ACYP2: variants seen among roughly 807,000 people sequenced by gnomAD.
The protein encoded by ACYP2 is acylphosphatase 2, also known as acylphosphatase-2.
In ACYP2, 12 loss-of-function variants were observed where a neutral mutation model predicts 11.2. The observed-to-expected ratio is 1.08, with a 90% confidence interval of 0.69 to 1.74. ACYP2 has a LOEUF of 1.74. Among genes scored for constraint, ACYP2 ranks in the 40% most tolerant of loss-of-function variants. ACYP2 has a pLI of 0.00. For synonymous variants in ACYP2, 43 were observed against 32.2 expected, an observed-to-expected ratio of 1.33 and a Z score of -1.13; for missense variants, 134 against 101.9, an observed-to-expected ratio of 1.31 and a Z score of -1.35.
chr2:54,082,883 T>C (rs1677741027), intron 4 of ACYP2: 1 of 152,014 alleles, frequency 6.6e-6, no homozygotes, highest in East Asian at 1.9e-4. Context: ...GAGACCAGCC[T>C]GGCCAAGATG....
At chr2:54,295,998 T>A (rs1473338085) in intron 6 of ACYP2, among the ~76,000 whole-genome samples, 1 of 152,164 alleles carries the variant, frequency 6.6e-6, no homozygotes, top group Non-Finnish European at 1.5e-5. Flanking sequence ...TGGCCTCAAG[T>A]GATCTGCCAC....
intron 6 of ACYP2, among the ~76,000 whole-genome samples, chr2:54,147,678 C>T (rs1681958241): frequency 6.6e-6 from 1 of 152,092 alleles, no homozygotes; most frequent in African/African-American, 2.4e-5. Context: ...GTGTGCACCA[C>T]CATACCTAGC....
intron 4 of ACYP2, among the ~76,000 whole-genome samples, chr2:54,093,926 C>T (rs764055647): frequency 5.4e-5 from 8 of 148,750 alleles, no homozygotes; most frequent in Non-Finnish European, 1.2e-4. Flanking sequence ...GGTGACAGAA[C>T]GAGACTCTGT....
chr2:54,119,215 G>A (rs1680000482), intron 4 of ACYP2, among the ~76,000 whole-genome samples: 2 of 151,788 alleles, frequency 1.3e-5, no homozygotes, highest in Non-Finnish European at 1.5e-5. Context: ...ACCATGCCCA[G>A]CTAACTTTTT....
intron 6 of ACYP2, among the ~76,000 whole-genome samples, chr2:54,184,845 ATTT>A (rs545856270): frequency 2.2e-5 from 3 of 139,114 alleles, no homozygotes; most frequent in African/African-American, 2.7e-5. Flanking sequence ...CATTTAAGCA[ATTT>A]TTTTTTTTTT....
At chr2:54,302,327 C>T (rs1292233829) in intron 6 of ACYP2, among the ~76,000 whole-genome samples, 2 of 152,192 alleles carry the variant, frequency 1.3e-5, no homozygotes, top group East Asian at 1.9e-4. Flanking sequence ...CATTTCTCAC[C>T]TCACTGGCCC....
At position 54,108,129 on chromosome 2, in the gene ACYP2, G is replaced by A. The variant is rs551750788; in HGVS notation, c.278-27324G>A. 1.2e-4 allele frequency among the ~76,000 whole-genome samples: 19 copies of A among 152,264 alleles called. 1 individual carries two copies. Among genetic ancestry groups the A allele is most frequent in the Non-Finnish European group, 2.6e-4 (18 of 68,018 alleles). On this transcript the variant is annotated intron_variant, in intron 4 of 6. Coordinates refer to ENST00000607452, the MANE Select transcript of ACYP2 (RefSeq NM_001320586.2). ...TGGCACAGAATAACTAAACTCCTCC[G>A]CGACTGTGCTTATCACAGAACCAGC...
At position 54,304,831 on chromosome 2, in the gene ACYP2, C is replaced by CAAT; in HGVS notation, c.*31_*33dup. The CAAT allele has an allele frequency of 8.1e-7, 1 of 1,229,288 alleles. No individual in the cohort carries two copies. The highest frequency in any genetic ancestry group is 1.8e-5 in the Admixed American group (1 of 56,474). The allele number at this position is 1,229,288 out of a possible 1,614,324, so 76.1% of individuals were successfully genotyped here. On this transcript the variant is annotated 3_prime_UTR_variant, in exon 7 of 7. Coordinates refer to ENST00000607452, the MANE Select transcript of ACYP2 (RefSeq NM_001320586.2). ...AAGAGAAAAATTGTAACACACTGAA[C>CAAT]AATAGATACTGTATGTTCTTAAGAC...
At chr2:53,992,533 T>G (rs2104519918) in intron 2 of ACYP2, among the ~76,000 whole-genome samples, 1 of 152,206 alleles carries the variant, frequency 6.6e-6, no homozygotes, top group Non-Finnish European at 1.5e-5. Context: ...TACTCAGAGA[T>G]GAGAAATATT....
At chr2:54,181,522 T>G (rs1683725099) in intron 6 of ACYP2, among the ~76,000 whole-genome samples, 1 of 152,200 alleles carries the variant, frequency 6.6e-6, no homozygotes, top group Admixed American at 6.5e-5. Flanking sequence ...CTCCTGGCAT[T>G]GTAAGCATGA....
intron 2 of ACYP2, among the ~76,000 whole-genome samples, chr2:53,984,350 G>T (rs1359991833): frequency 6.6e-6 from 1 of 152,012 alleles, no homozygotes; most frequent in Non-Finnish European, 1.5e-5. Context: ...GGCCGAGGCA[G>T]GTGCATCACC....
chr2:54,052,674 A>G (rs538594292), intron 3 of ACYP2, among the ~76,000 whole-genome samples: 1 of 152,182 alleles, frequency 6.6e-6, no homozygotes, highest in Non-Finnish European at 1.5e-5. Flanking sequence ...GCTGTGCAAT[A>G]CTCTATCTGC....
chr2:54,189,089 C>T (rs958287250), intron 6 of ACYP2, among the ~76,000 whole-genome samples: 2 of 152,204 alleles, frequency 1.3e-5, no homozygotes, highest in South Asian at 2.1e-4. Flanking sequence ...ACATGATGTT[C>T]TAAGATACAT....
chr2:54,179,886 T>G (rs1420727358), intron 6 of ACYP2, among the ~76,000 whole-genome samples: 1 of 152,148 alleles, frequency 6.6e-6, no homozygotes, highest in Non-Finnish European at 1.5e-5. Context: ...CAAGATGGAA[T>G]TTTTCTAGTT....
intron 6 of ACYP2, among the ~76,000 whole-genome samples, chr2:54,232,106 C>G (rs1686259661): frequency 6.6e-6 from 1 of 152,132 alleles, no homozygotes; most frequent in Non-Finnish European, 1.5e-5. Context: ...TAACAGAGAA[C>G]CAGACTTGAT....
chr2:53,988,531 G>C (rs1672133641), intron 2 of ACYP2, among the ~76,000 whole-genome samples: 1 of 151,784 alleles, frequency 6.6e-6, no homozygotes, highest in South Asian at 2.1e-4. Flanking sequence ...CTCCCGAGAA[G>C]CTGGGACCAC....
intron 4 of ACYP2, among the ~76,000 whole-genome samples, chr2:54,106,843 CA>C (rs1318395243): frequency 6.6e-6 from 1 of 152,126 alleles, no homozygotes; most frequent in East Asian, 1.9e-4. Flanking sequence ...CTCGGCCTCC[CA>C]AAGTGTTGGG....
chr2:54,224,722 C>T (rs1241005603), intron 6 of ACYP2, among the ~76,000 whole-genome samples: 1 of 149,658 alleles, frequency 6.7e-6, no homozygotes, highest in African/African-American at 2.5e-5. Flanking sequence ...ACCAGCCCGT[C>T]TGCCTAGGCA....
At chr2:54,243,097 A>G (rs896267616) in intron 6 of ACYP2, among the ~76,000 whole-genome samples, 5 of 152,332 alleles carry the variant, frequency 3.3e-5, no homozygotes, top group East Asian at 1.9e-4. Flanking sequence ...TGAGATGACA[A>G]TATTTTTTCC....
Sources: gnomAD v4.1 joint callset for allele counts (sites outside exome capture counted in the v4.1 genomes callset) on GRCh38, gnomAD v4.1.1 for gene constraint, MANE v1.5 for transcripts, NCBI Gene and HGNC (gene_info 2026-07-23, HGNC 2026-07-21) for gene names.